FILIP1L: variants seen among roughly 807,000 people sequenced by gnomAD.
FILIP1L encodes filamin A-interacting protein 1-like.
FILIP1L carries 55 observed loss-of-function variants against 96.6 expected under a neutral mutation model. The ratio of observed to expected loss-of-function variants is 0.57; its 90% CI spans 0.46 to 0.71. FILIP1L has a LOEUF of 0.71. FILIP1L is among the 30% of genes least tolerant of loss of function. The pLI is 0.00. For missense variants in FILIP1L, 1,304 were observed against 1,321.2 expected (o/e 0.99, Z 0.20); for synonymous variants, 467 against 473.9 (o/e 0.99, Z 0.19).
At chr3:99,899,217 C>T (rs989927429) in intron 4 of FILIP1L, among the ~76,000 whole-genome samples, 4 of 152,132 alleles carry the variant, frequency 2.6e-5, no homozygotes, top group African/African-American at 9.7e-5. Context: ...CTTTATTTTG[C>T]ATCATATAAA....
intron 1 of FILIP1L, among the ~76,000 whole-genome samples, chr3:100,060,812 A>G (rs1320375023): frequency 6.6e-6 from 1 of 152,204 alleles, no homozygotes; most frequent in East Asian, 1.9e-4. Context: ...CTAAGCCAAG[A>G]TCACACACCA....
At chr3:100,082,269 G>A (rs559329669) in intron 1 of FILIP1L, among the ~76,000 whole-genome samples, 3 of 152,156 alleles carry the variant, frequency 2.0e-5, no homozygotes, top group Non-Finnish European at 4.4e-5. Context: ...ACTGACCTAA[G>A]CTGCACATGT....
At chr3:99,928,757 C>T (rs1707377901) in intron 3 of FILIP1L, among the ~76,000 whole-genome samples, 1 of 152,146 alleles carries the variant, frequency 6.6e-6, no homozygotes, top group African/African-American at 2.4e-5. Context: ...GAATTTGTGC[C>T]TGACACTGTT....
At chr3:100,071,014 T>G (rs2065752269) in intron 1 of FILIP1L, among the ~76,000 whole-genome samples, 1 of 151,936 alleles carries the variant, frequency 6.6e-6, no homozygotes, top group African/African-American at 2.4e-5. Context: ...AGCTATTCAG[T>G]TATACAGAAA....
chr3:99,884,821 AGG>A (rs1705841170), intron 4 of FILIP1L, among the ~76,000 whole-genome samples: 3 of 152,236 alleles, frequency 2.0e-5, no homozygotes, highest in Non-Finnish European at 1.5e-5. Context: ...TGCTGTTTAC[AGG>A]TATAGATTTT....
At chr3:99,931,055 A>G (rs1402008947) in intron 1 of FILIP1L, 25 bp from the exon 2 acceptor site, 1 of 1,601,752 alleles carries the variant, frequency 6.2e-7, no homozygotes, top group Admixed American at 1.7e-5. Context: ...GAAAATTTGT[A>G]AAGCTTAATG....
intron 1 of FILIP1L, among the ~76,000 whole-genome samples, chr3:100,098,906 A>G (rs1230543670): frequency 6.6e-6 from 1 of 152,246 alleles, no homozygotes; most frequent in Non-Finnish European, 1.5e-5. Flanking sequence ...GCCTGGAACT[A>G]GATACTTCTC....
chr3:99,958,025 A>G (rs1708383537), intron 1 of FILIP1L, among the ~76,000 whole-genome samples: 1 of 148,800 alleles, frequency 6.7e-6, no homozygotes, highest in South Asian at 2.1e-4. Context: ...TCATATGTTT[A>G]TATAAAGGCT....
chr3:99,941,434 C>T (rs1559697380), intron 1 of FILIP1L, among the ~76,000 whole-genome samples: 1 of 152,144 alleles, frequency 6.6e-6, no homozygotes, highest in Admixed American at 6.5e-5. Context: ...TAAGCTTTAT[C>T]TTGGAGAATG....
chr3:99,864,142 ATTAT>A (rs1411436489), intron 4 of FILIP1L, among the ~76,000 whole-genome samples: 4 of 152,216 alleles, frequency 2.6e-5, no homozygotes, highest in African/African-American at 9.6e-5. Flanking sequence ...TAACAGTAAG[ATTAT>A]TTGACTTATA....
intron 4 of FILIP1L, among the ~76,000 whole-genome samples, chr3:99,923,180 T>G (rs900965917): frequency 6.6e-6 from 1 of 152,088 alleles, no homozygotes; most frequent in East Asian, 1.9e-4. Flanking sequence ...CCTTTCAACA[T>G]TCTCTCTTCT....
chr3:100,104,351 C>T (rs553764978), intron 1 of FILIP1L, among the ~76,000 whole-genome samples: 15 of 152,342 alleles, frequency 9.8e-5, no homozygotes, highest in African/African-American at 3.6e-4. Context: ...CCGTTAACTA[C>T]ATCAGTTGTC....
chr3:99,977,119 G>A (rs555582706), intron 1 of FILIP1L, among the ~76,000 whole-genome samples: 4 of 152,282 alleles, frequency 2.6e-5, no homozygotes, highest in South Asian at 4.1e-4. Context: ...AGAACAGCAC[G>A]AACATTGTCA....
At chr3:99,966,609 G>A (rs1006346093) in intron 1 of FILIP1L, among the ~76,000 whole-genome samples, 1 of 152,018 alleles carries the variant, frequency 6.6e-6, no homozygotes, top group Non-Finnish European at 1.5e-5. Flanking sequence ...AGAACCCTTC[G>A]CTCTGTATAT....
In FILIP1L at chr3:99,839,007, G is replaced by C. The variant is rs185862757; in HGVS notation, c.3382-8402C>G. On this transcript the variant is annotated intron_variant, in intron 5 of 5. Coordinates refer to ENST00000477258, the MANE Select transcript of FILIP1L (RefSeq NM_001387850.1). Reference sequence around the variant, plus strand: ...CTTCATCCACATTGCACTGCTCACTGTTCCTTGAATGTTGATTATCTGCCC... The same window carrying C: ...CTTCATCCACATTGCACTGCTCACTCTTCCTTGAATGTTGATTATCTGCCC... 4.8e-4 allele frequency among the ~76,000 whole-genome samples: 73 copies of C among 152,174 alleles called. 2 individuals carry two copies. In the East Asian group the frequency reaches 0.013, roughly 28 times the overall value.
At chr3:99,923,822 A>G (rs1250133091) in intron 4 of FILIP1L, among the ~76,000 whole-genome samples, 2 of 152,158 alleles carry the variant, frequency 1.3e-5, no homozygotes, top group Non-Finnish European at 1.5e-5. Context: ...TCATCCTACA[A>G]TCATGCCCTA....
chr3:99,928,171 C>T (rs913986513), intron 3 of FILIP1L, among the ~76,000 whole-genome samples: 6 of 152,206 alleles, frequency 3.9e-5, no homozygotes, highest in Admixed American at 2.0e-4. Flanking sequence ...GAGCACTGCC[C>T]TCCCTTTATT....
intron 4 of FILIP1L, among the ~76,000 whole-genome samples, chr3:99,862,743 G>A (rs751183042): frequency 1.8e-4 from 28 of 152,250 alleles, no homozygotes; most frequent in Non-Finnish European, 3.4e-4. Context: ...CTTTGTGTTC[G>A]TTGTCTCTGG....
intron 4 of FILIP1L, among the ~76,000 whole-genome samples, chr3:99,886,670 G>A (rs182612223): frequency 1.5e-3 from 233 of 152,188 alleles, no homozygotes; most frequent in African/African-American, 5.3e-3. Context: ...ATATCAGTTA[G>A]GTGGCCAGCG....
Sources: allele counts gnomAD v4.1 joint callset (sites outside exome capture counted in the v4.1 genomes callset), GRCh38; gene constraint gnomAD v4.1.1; transcripts MANE v1.5; gene names NCBI Gene and HGNC (gene_info 2026-07-23, HGNC 2026-07-21).